Variants in PCDH11Y observed in about 807,000 individuals in gnomAD.
PCDH11Y encodes protocadherin-11 Y-linked.
For synonymous variants in PCDH11Y, 9 were observed against 83.6 expected, an observed-to-expected ratio of 0.11 and a Z score of 4.87; for missense variants, 12 against 224.8, an observed-to-expected ratio of 0.05 and a Z score of 6.05.
chrY:5,511,491 T>G, intron 3 of PCDH11Y, among the ~76,000 whole-genome samples: 2 of 33,231 alleles, frequency 6.0e-5, no homozygotes, highest in Admixed American at 2.8e-4. Flanking sequence ...TCAATACCCA[T>G]GTAACTTTGG....
intron 4 of PCDH11Y, among the ~76,000 whole-genome samples, chrY:5,597,696 CATTATTCTAAGTGAAGTAACTCAGCA>C (rs2053468916): frequency 6.3e-5 from 2 of 31,642 alleles, no homozygotes; most frequent in African/African-American, 1.2e-4. Flanking sequence ...AATTGGAGAC[CATTATTCTAAGTGAAGTAACTCAGCA>C]ATTGAAAATC....
intron 2 of PCDH11Y, among the ~76,000 whole-genome samples, chrY:5,200,924 G>T: frequency 2.9e-5 from 1 of 34,051 alleles, no homozygotes; most frequent in African/African-American, 1.2e-4. Flanking sequence ...TGGATTTCCA[G>T]CTCAGGATAA....
intron 2 of PCDH11Y, among the ~76,000 whole-genome samples, chrY:5,288,899 T>A: frequency 5.0e-4 from 16 of 31,736 alleles, no homozygotes; most frequent in African/African-American, 2.0e-3. Flanking sequence ...ATTTTAGTTA[T>A]AAACTTTTTT....
intron 4 of PCDH11Y, among the ~76,000 whole-genome samples, chrY:5,594,282 T>C (rs2124698785): frequency 1.5e-4 from 5 of 32,912 alleles, no homozygotes; most frequent in African/African-American, 6.0e-4. Context: ...GGTCTGCTGT[T>C]CTCTGTTCCT....
At chrY:5,512,229 G>A (rs2053366196) in intron 3 of PCDH11Y, among the ~76,000 whole-genome samples, 1 of 33,380 alleles carries the variant, frequency 3.0e-5, no homozygotes. Flanking sequence ...TATAATCCCA[G>A]CACTTTGGGA....
intron 2 of PCDH11Y, among the ~76,000 whole-genome samples, chrY:5,200,427 C>T: frequency 3.1e-5 from 1 of 32,032 alleles, no homozygotes; most frequent in African/African-American, 1.2e-4. Flanking sequence ...ATCTTATGGC[C>T]CACTGCCCAC....
intron 1 of PCDH11Y, among the ~76,000 whole-genome samples, chrY:5,026,856 TA>T (rs2052579292): frequency 3.0e-5 from 1 of 33,248 alleles, no homozygotes; most frequent in African/African-American, 1.2e-4. Flanking sequence ...GTATTTGTAG[TA>T]ACATATCAAA....
At chrY:5,490,787 C>T in intron 2 of PCDH11Y, among the ~76,000 whole-genome samples, 3 of 34,221 alleles carry the variant, frequency 8.8e-5, no homozygotes, top group Admixed American at 2.6e-4. Context: ...CTTGGGGATC[C>T]AGGAAGCCCT....
At chrY:5,402,939 A>G (rs2053235470) in intron 2 of PCDH11Y, among the ~76,000 whole-genome samples, 1 of 32,796 alleles carries the variant, frequency 3.0e-5, no homozygotes, top group African/African-American at 1.2e-4. Context: ...TTTTATTGTC[A>G]GTATGGAAAA....
intron 2 of PCDH11Y, among the ~76,000 whole-genome samples, chrY:5,134,499 T>C: frequency 9.1e-5 from 3 of 32,862 alleles, no homozygotes; most frequent in Non-Finnish European, 2.2e-4. Context: ...CAATTTTTAT[T>C]ATGTTGAGGT....
At chrY:5,739,809 G>A (rs1602966222) in exon 5 of PCDH11Y, 1 of 32,742 alleles carries the variant, frequency 3.1e-5, no homozygotes, top group Admixed American at 2.8e-4. Context: ...TTTCTCCTTC[G>A]TGTTGTTAAT....
chrY:5,161,090 T>G, intron 2 of PCDH11Y, among the ~76,000 whole-genome samples: 1 of 32,270 alleles, frequency 3.1e-5, no homozygotes, highest in Non-Finnish European at 7.7e-5. Context: ...ATTTGGAAAC[T>G]GTGTTTCTTT....
At chrY:5,429,213 T>C in intron 2 of PCDH11Y, among the ~76,000 whole-genome samples, 3 of 33,593 alleles carry the variant, frequency 8.9e-5, no homozygotes, top group Non-Finnish European at 1.5e-4. Flanking sequence ...GTGAAGTAAA[T>C]GCCACAAGAA....
At chrY:5,244,105 G>T in intron 2 of PCDH11Y, among the ~76,000 whole-genome samples, 1 of 33,416 alleles carries the variant, frequency 3.0e-5, no homozygotes, top group South Asian at 6.5e-4. Context: ...CAGGAATCAG[G>T]TCTAAGAAAT....
chrY:5,040,534 A>C, intron 3 of PCDH11Y, among the ~76,000 whole-genome samples: 1 of 32,748 alleles, frequency 3.1e-5, no homozygotes, highest in Non-Finnish European at 7.4e-5. Context: ...TTGATTTATA[A>C]ATAAAACGGG....
At chrY:5,694,197 T>C in intron 4 of PCDH11Y, among the ~76,000 whole-genome samples, 1 of 33,047 alleles carries the variant, frequency 3.0e-5, no homozygotes, top group Non-Finnish European at 7.5e-5. Flanking sequence ...TTTAGATAAG[T>C]TAAATATTCC....
chrY:5,355,323 C>A, intron 2 of PCDH11Y, among the ~76,000 whole-genome samples: 1 of 31,069 alleles, frequency 3.2e-5, no homozygotes, highest in Non-Finnish European at 7.7e-5. Context: ...AAAAGTAGGT[C>A]TTTAAATTTT....
At chrY:5,072,011 A>G in intron 1 of PCDH11Y, among the ~76,000 whole-genome samples, 1 of 33,542 alleles carries the variant, frequency 3.0e-5, no homozygotes, top group Non-Finnish European at 7.4e-5. Flanking sequence ...TAACTTATCA[A>G]TGTTACAAAA....
At chrY:5,032,307 T>C in intron 2 of PCDH11Y, among the ~76,000 whole-genome samples, 1 of 33,742 alleles carries the variant, frequency 3.0e-5, no homozygotes, top group African/African-American at 1.2e-4. Context: ...GATAAGCCTA[T>C]GCAGATTATC....
Sources: allele counts gnomAD v4.1 joint callset (sites outside exome capture counted in the v4.1 genomes callset), GRCh38; gene constraint gnomAD v4.1.1; transcripts MANE v1.5; gene names NCBI Gene and HGNC (gene_info 2026-07-23, HGNC 2026-07-21).